The following LOC400499 variants were observed in gnomAD, a reference collection of about 807,000 sequenced individuals.
chr16:11,511,822 T>A, the LOC400499 span, among the ~76,000 whole-genome samples: 2 of 151,604 alleles, frequency 1.3e-5, no homozygotes, highest in African/African-American at 4.8e-5. Flanking sequence ...AAACCAGGAG[T>A]TTGAGACCAG....
chr16:11,434,289 A>C, the LOC400499 span, among the ~76,000 whole-genome samples: 1 of 152,346 alleles, frequency 6.6e-6, no homozygotes, highest in East Asian at 1.9e-4. Flanking sequence ...TGGGAGGCTA[A>C]GGCTGGGAAA....
chr16:11,388,422 G>C, the LOC400499 span, among the ~76,000 whole-genome samples: 3 of 152,198 alleles, frequency 2.0e-5, 1 homozygote, highest in Non-Finnish European at 2.9e-5. Context: ...CTGAGGCACA[G>C]AGCACTGAGG....
At chr16:11,456,584 AG>A in the LOC400499 span, among the ~76,000 whole-genome samples, 1 of 152,114 alleles carries the variant, frequency 6.6e-6, no homozygotes, top group African/African-American at 2.4e-5. Context: ...ATTAAAGATA[AG>A]GTTTTCGTTT....
the LOC400499 span, among the ~76,000 whole-genome samples, chr16:11,375,572 C>G: frequency 6.6e-6 from 1 of 151,224 alleles, no homozygotes; most frequent in African/African-American, 2.4e-5. Flanking sequence ...CTTGGCTTCC[C>G]AAAGTGCTGG....
the LOC400499 span, among the ~76,000 whole-genome samples, chr16:11,432,381 T>G: frequency 2.6e-5 from 4 of 152,316 alleles, no homozygotes; most frequent in South Asian, 2.1e-4. Flanking sequence ...ACTGTGCACT[T>G]TAGACACATT....
At chr16:11,390,230 G>C in the LOC400499 span, 1 of 1,232,470 alleles carries the variant, frequency 8.1e-7, no homozygotes, top group Admixed American at 4.2e-5. Flanking sequence ...AGTGAGAGCT[G>C]GCTCAGTCAT....
At chr16:11,463,261 C>T in the LOC400499 span, among the ~76,000 whole-genome samples, 8 of 66,958 alleles carry the variant, frequency 1.2e-4, no homozygotes, top group Non-Finnish European at 2.1e-4. Flanking sequence ...CCCACCCCCA[C>T]GCCCCCCTGA....
the LOC400499 span, among the ~76,000 whole-genome samples, chr16:11,523,190 G>A: frequency 8.8e-4 from 134 of 152,342 alleles, no homozygotes; most frequent in Non-Finnish European, 1.7e-3. Flanking sequence ...TGGGGGCTGG[G>A]ATGGCTTAAG....
At chr16:11,435,646 A>G in the LOC400499 span, 7,093 of 399,246 alleles carry the variant, frequency 0.018, 471 homozygotes, top group African/African-American at 0.13. Context: ...CTCGCAGGCC[A>G]CCTGGGGACC....
chr16:11,391,799 C>T, the LOC400499 span: 2 of 1,232,226 alleles, frequency 1.6e-6, no homozygotes, highest in Non-Finnish European at 1.0e-6. Context: ...TGGCCTCCCG[C>T]CCCGCCTGGG....
the LOC400499 span, chr16:11,460,635 C>T: frequency 1.4e-5 from 21 of 1,501,582 alleles, no homozygotes; most frequent in African/African-American, 2.8e-4. Flanking sequence ...CCAGAGACCC[C>T]TGCCCTCCTC....
chr16:11,387,480 T>C, the LOC400499 span, among the ~76,000 whole-genome samples: 1 of 152,134 alleles, frequency 6.6e-6, no homozygotes, highest in Admixed American at 6.6e-5. Context: ...GAGGCCGGCA[T>C]GACAACGGAG....
At chr16:11,398,377 G>C in the LOC400499 span, 7 of 1,232,186 alleles carry the variant, frequency 5.7e-6, no homozygotes, top group Non-Finnish European at 6.1e-6. Flanking sequence ...CCCAGGTGGA[G>C]GGAGTGCCGC....
chr16:11,520,474 T>C, the LOC400499 span, among the ~76,000 whole-genome samples: 1 of 152,168 alleles, frequency 6.6e-6, no homozygotes, highest in African/African-American at 2.4e-5. Context: ...TTGGCCAACA[T>C]GGTAAAATCT....
At chr16:11,516,848 C>T in the LOC400499 span, among the ~76,000 whole-genome samples, 4 of 152,082 alleles carry the variant, frequency 2.6e-5, no homozygotes, top group African/African-American at 7.2e-5. Context: ...ATTCCCGCTA[C>T]GTTGCCCAGG....
the LOC400499 span, among the ~76,000 whole-genome samples, chr16:11,431,873 G>C: frequency 6.6e-6 from 1 of 152,168 alleles, no homozygotes; most frequent in Non-Finnish European, 1.5e-5. Flanking sequence ...CTGGCCTTGT[G>C]ACCTACGTTT....
the LOC400499 span, among the ~76,000 whole-genome samples, chr16:11,464,086 G>A: frequency 3.3e-5 from 5 of 152,164 alleles, no homozygotes; most frequent in Non-Finnish European, 5.9e-5. Flanking sequence ...GTGTATATAC[G>A]AATGTATGTA....
the LOC400499 span, among the ~76,000 whole-genome samples, chr16:11,512,878 T>C: frequency 6.6e-6 from 1 of 152,150 alleles, no homozygotes; most frequent in African/African-American, 2.4e-5. Context: ...GCTGGGATCC[T>C]AGAAGGCATC....
the LOC400499 span, among the ~76,000 whole-genome samples, chr16:11,395,841 G>A: frequency 3.6e-3 from 548 of 152,268 alleles, 3 homozygotes; most frequent in African/African-American, 0.012. Flanking sequence ...CAGGCAGCGG[G>A]AACCGGTATC....
Sources: allele counts gnomAD v4.1 joint callset (sites outside exome capture counted in the v4.1 genomes callset), GRCh38; gene constraint gnomAD v4.1.1; transcripts MANE v1.5.